The following TRPC6 variants were observed in gnomAD, a reference collection of about 807,000 sequenced individuals.
The protein encoded by TRPC6 is short transient receptor potential channel 6.
In TRPC6, 55 loss-of-function variants were observed where a neutral mutation model predicts 90.7. That is an observed-to-expected ratio of 0.61 (90% CI 0.49 to 0.76). The LOEUF (loss-of-function observed/expected upper bound fraction) is 0.76, where lower values mean the gene tolerates loss of function less well. TRPC6 is among the 30% of genes least tolerant of loss of function. The pLI is 0.00. For synonymous variants in TRPC6, 393 were observed against 393.0 expected, an observed-to-expected ratio of 1.00 and a Z score of 0.00; for missense variants, 989 against 1,122.7, an observed-to-expected ratio of 0.88 and a Z score of 1.70.
chr11:101,556,279 A>T (rs1489427338), intron 1 of TRPC6, among the ~76,000 whole-genome samples: 1 of 152,112 alleles, frequency 6.6e-6, no homozygotes, highest in Non-Finnish European at 1.5e-5. Flanking sequence ...AATGAAGAGT[A>T]TGTTTTTTGA....
chr11:101,545,902 C>T (rs969771200), intron 1 of TRPC6, among the ~76,000 whole-genome samples: 1 of 151,984 alleles, frequency 6.6e-6, no homozygotes, highest in African/African-American at 2.4e-5. Flanking sequence ...CTGGTTTTCA[C>T]ACAGATGGGC....
chr11:101,573,594 A>C (rs1046996216), intron 1 of TRPC6, among the ~76,000 whole-genome samples: 1 of 152,176 alleles, frequency 6.6e-6, no homozygotes, highest in African/African-American at 2.4e-5. Flanking sequence ...GACAGATCAT[A>C]AACAATACTG....
At chr11:101,530,844 A>T (rs1860896863) in intron 1 of TRPC6, among the ~76,000 whole-genome samples, 1 of 152,248 alleles carries the variant, frequency 6.6e-6, no homozygotes, top group South Asian at 2.1e-4. Context: ...ATAAATAAAT[A>T]GAAATCATAA....
At chr11:101,516,859 G>A (rs1482890168) in intron 1 of TRPC6, among the ~76,000 whole-genome samples, 1 of 152,226 alleles carries the variant, frequency 6.6e-6, no homozygotes, top group African/African-American at 2.4e-5. Flanking sequence ...CTATAAAAGA[G>A]CAGGTCAGAA....
intron 1 of TRPC6, among the ~76,000 whole-genome samples, chr11:101,519,328 C>A (rs1485302433): frequency 6.6e-6 from 1 of 150,856 alleles, no homozygotes; most frequent in Non-Finnish European, 1.5e-5. Context: ...CCTATGTACC[C>A]ACAAAAATTT....
At chr11:101,560,286 C>T (rs1436700886) in intron 1 of TRPC6, among the ~76,000 whole-genome samples, 1 of 147,028 alleles carries the variant, frequency 6.8e-6, no homozygotes, top group Non-Finnish European at 1.5e-5. Context: ...AACCTTAATT[C>T]TGGCTTCTCT....
intron 1 of TRPC6, among the ~76,000 whole-genome samples, chr11:101,524,833 ATTATT>A (rs1479936217): frequency 6.6e-6 from 1 of 152,226 alleles, no homozygotes; most frequent in African/African-American, 2.4e-5. Flanking sequence ...GTTTTGTGTC[ATTATT>A]TTATGAATTT....
At chr11:101,456,663 C>T (rs950076092) in intron 10 of TRPC6, among the ~76,000 whole-genome samples, 1 of 152,156 alleles carries the variant, frequency 6.6e-6, no homozygotes, top group African/African-American at 2.4e-5. Context: ...GCTCCCACCA[C>T]CCCCTATTGT....
At chr11:101,579,842 G>A (rs980573351) in intron 1 of TRPC6, among the ~76,000 whole-genome samples, 1 of 152,082 alleles carries the variant, frequency 6.6e-6, no homozygotes, top group Non-Finnish European at 1.5e-5. Flanking sequence ...GGCACCAAGA[G>A]TTTACCTTCT....
intron 1 of TRPC6, among the ~76,000 whole-genome samples, chr11:101,546,511 A>G (rs953169219): frequency 6.6e-6 from 1 of 152,216 alleles, no homozygotes; most frequent in Non-Finnish European, 1.5e-5. Flanking sequence ...TGAAGTGACC[A>G]GAGAAACCTG....
intron 3 of TRPC6, chr11:101,491,252 G>T: frequency 3.1e-6 from 1 of 317,870 alleles, no homozygotes; most frequent in Non-Finnish European, 6.1e-6. Flanking sequence ...AGAGACCACG[G>T]TGAAACCCCG....
chr11:101,457,821 T>C (rs1348443194), intron 10 of TRPC6, among the ~76,000 whole-genome samples: 1 of 152,172 alleles, frequency 6.6e-6, no homozygotes, highest in Non-Finnish European at 1.5e-5. Flanking sequence ...AGAGAATATA[T>C]AGTTTGAAAT....
chr11:101,469,203 G>A (rs1039951800), intron 10 of TRPC6, among the ~76,000 whole-genome samples: 1 of 152,068 alleles, frequency 6.6e-6, no homozygotes, highest in African/African-American at 2.4e-5. Flanking sequence ...GTATATATAT[G>A]TGCTTAGTAT....
At chr11:101,529,451 T>A (rs1409724799) in intron 1 of TRPC6, among the ~76,000 whole-genome samples, 1 of 152,234 alleles carries the variant, frequency 6.6e-6, no homozygotes, top group East Asian at 1.9e-4. Context: ...CTGAGTGATC[T>A]CTTGCCCTTT....
At chr11:101,541,766 T>A (rs1473344042) in intron 1 of TRPC6, among the ~76,000 whole-genome samples, 1 of 152,140 alleles carries the variant, frequency 6.6e-6, no homozygotes, top group African/African-American at 2.4e-5. Context: ...GAAAAAAAAG[T>A]ATTACATTAT....
Position 101,459,854 on chromosome 11 carries a change from TTATAA to T in TRPC6, c.2485-4758_2485-4754del, listed in dbSNP as rs536320539. Among the ~76,000 whole-genome samples, 14 of 152,338 alleles carry T rather than the reference TTATAA, an allele frequency of 9.2e-5. No homozygotes were observed. In the South Asian group the frequency reaches 1.0e-3, roughly 11 times the overall value. ...CCAAATAACAACAAGAGCCATTTCT[TTATAA>T]TATGAGTATATTACATTTGCGTAGT... On this transcript the variant is annotated intron_variant, in intron 10 of 12. Transcript: ENST00000344327.
intron 1 of TRPC6, among the ~76,000 whole-genome samples, chr11:101,548,276 T>C (rs1382698248): frequency 7.6e-6 from 1 of 132,386 alleles, no homozygotes; most frequent in Non-Finnish European, 1.6e-5. Flanking sequence ...TATATATAAT[T>C]TATATATATA....
chr11:101,473,807 TTTC>T, intron 6 of TRPC6, 34 bp from the exon 7 acceptor site: 1 of 1,612,462 alleles, frequency 6.2e-7, no homozygotes, highest in Non-Finnish European at 8.5e-7. Flanking sequence ...GTTGTGTGAG[TTTC>T]TTCAAGTTTT....
chr11:101,453,497 T>C, intron 12 of TRPC6, 153 bp downstream of exon 12: 1 of 782,658 alleles, frequency 1.3e-6, no homozygotes, highest in East Asian at 2.6e-5. Flanking sequence ...TTCCCCACTC[T>C]TTAACAGAAC....
Sources: gnomAD v4.1 joint callset for allele counts (sites outside exome capture counted in the v4.1 genomes callset) on GRCh38, gnomAD v4.1.1 for gene constraint, MANE v1.5 for transcripts, NCBI Gene and HGNC (gene_info 2026-07-23, HGNC 2026-07-21) for gene names.